Variants in RBM46 observed in about 807,000 individuals in gnomAD.
RBM46 encodes the protein RNA binding motif protein 46.
In RBM46, 12 loss-of-function variants were observed where a neutral mutation model predicts 43.3. The observed-to-expected ratio is 0.28, with a 90% CI of 0.18 to 0.45. RBM46 has a LOEUF of 0.45. RBM46 is among the 20% of genes least tolerant of loss of function. RBM46 has a pLI of 1.00. For synonymous variants in RBM46, 205 were observed against 207.6 expected, an observed-to-expected ratio of 0.99 and a Z score of 0.11; for missense variants, 412 against 639.1, an observed-to-expected ratio of 0.64 and a Z score of 3.83.
chr4:154,813,134 G>C (rs993138944), intron 4 of RBM46, among the ~76,000 whole-genome samples: 2 of 151,950 alleles, frequency 1.3e-5, no homozygotes, highest in African/African-American at 4.8e-5. Flanking sequence ...AAAGTTAAAA[G>C]ATAAAGATTA....
chr4:154,787,195 T>A (rs1403236482), intron 1 of RBM46: 2 of 152,182 alleles, frequency 1.3e-5, no homozygotes, highest in East Asian at 3.9e-4. Context: ...GTCTTCTATC[T>A]GAGGACAAAT....
intron 4 of RBM46, among the ~76,000 whole-genome samples, chr4:154,808,025 C>T (rs1482838998): frequency 6.6e-6 from 1 of 151,844 alleles, no homozygotes; most frequent in Non-Finnish European, 1.5e-5. Flanking sequence ...AATCTTTGTA[C>T]TACACTAATA....
chr4:154,809,399 AATG>A (rs76869326), intron 4 of RBM46, among the ~76,000 whole-genome samples: 1,562 of 152,124 alleles, frequency 0.01, 9 homozygotes, highest in Non-Finnish European at 0.018. Context: ...ATTTTTCTGT[AATG>A]ATTTTTAATT....
At chr4:154,801,136 GC>G (rs1734617609) in intron 4 of RBM46, among the ~76,000 whole-genome samples, 2 of 151,954 alleles carry the variant, frequency 1.3e-5, no homozygotes. Context: ...CCACCACCGT[GC>G]CCGGCTAATT....
At chr4:154,819,942 T>C (rs1051261663) in intron 4 of RBM46, among the ~76,000 whole-genome samples, 1 of 152,052 alleles carries the variant, frequency 6.6e-6, no homozygotes, top group East Asian at 1.9e-4. Flanking sequence ...GGAAATGGTG[T>C]TTCATATGTA....
chr4:154,792,973 G>A (rs1734174473), intron 1 of RBM46, among the ~76,000 whole-genome samples: 2 of 152,182 alleles, frequency 1.3e-5, no homozygotes, highest in Non-Finnish European at 2.9e-5. Context: ...AAAGTGAGAA[G>A]TAAGGGTTAC....
At chr4:154,820,128 C>A (rs1005976220) in intron 4 of RBM46, among the ~76,000 whole-genome samples, 1 of 151,878 alleles carries the variant, frequency 6.6e-6, no homozygotes, top group Non-Finnish European at 1.5e-5. Flanking sequence ...AAATTTTTTT[C>A]TGATAATGTA....
chr4:154,798,737 A>G, intron 3 of RBM46, 45 bp from the exon 4 acceptor site: 1 of 1,326,620 alleles, frequency 7.5e-7, no homozygotes, highest in Non-Finnish European at 9.9e-7. Flanking sequence ...TTTACCTTTT[A>G]TTCTTTATTT....
rs150848902 is a variant in RBM46, at chr4:154,783,603, G to A, written c.-12+2167G>A. 3.4e-3 allele frequency among the ~76,000 whole-genome samples: 524 copies of A among 152,236 alleles called. 5 individuals carry two copies. The highest frequency in any genetic ancestry group is 0.015 in the South Asian group (70 of 4,820). ...TTATGAAGGACCTTGTGTAAGGAAT[G>A]GTGTACTTAATTTGGACAAGAATAT... On this transcript the variant is annotated intron_variant, in intron 1 of 4. Transcript: ENST00000281722.
At chr4:154,827,763 A>G in intron 4 of RBM46, 105 bp from the exon 5 acceptor site, 1 of 1,561,338 alleles carries the variant, frequency 6.4e-7, no homozygotes, top group South Asian at 1.2e-5. Flanking sequence ...TTCCAGTGTT[A>G]GAACATTATG....
intron 3 of RBM46, among the ~76,000 whole-genome samples, chr4:154,798,481 A>G (rs946866742): frequency 6.6e-6 from 1 of 152,238 alleles, no homozygotes; most frequent in African/African-American, 2.4e-5. Context: ...TGATATTTTT[A>G]CTGGATATAT....
intron 4 of RBM46, among the ~76,000 whole-genome samples, chr4:154,805,414 C>A (rs1425789025): frequency 6.6e-6 from 1 of 151,848 alleles, no homozygotes; most frequent in Non-Finnish European, 1.5e-5. Flanking sequence ...TTGTATATTG[C>A]TTCTTATATT....
rs1733448463 is a variant in RBM46 at position 154,781,345 on chromosome 4, C to G, written c.-103C>G. On this transcript the variant is annotated 5_prime_UTR_variant, in exon 1 of 5. Transcript: ENST00000281722. ...TACCCTCCCCCTGCGACGACCCCCC[C>G]TCGCTCTGACCGACTGGTCCCCTAA... is the stretch of plus-strand genomic sequence containing the variant. 6.6e-6 allele frequency: 1 copy of G among 152,398 alleles called. No homozygotes were observed. Among genetic ancestry groups the G allele is most frequent in the African/African-American group, 2.4e-5 (1 of 41,476 alleles). 9.4% of individuals were successfully genotyped at this position (152,398 alleles called of 1,614,324 possible).
intron 1 of RBM46, among the ~76,000 whole-genome samples, chr4:154,795,016 C>A (rs1354619750): frequency 6.6e-6 from 1 of 151,890 alleles, no homozygotes; most frequent in South Asian, 2.1e-4. Context: ...TATAGTTGGT[C>A]CTTAATAAAT....
intron 4 of RBM46, chr4:154,820,265 A>G (rs1446810599): frequency 3.0e-6 from 2 of 668,242 alleles, no homozygotes; most frequent in African/African-American, 3.8e-5. Flanking sequence ...ACTGATCAAA[A>G]GGTTTTTAAC....
At position 154,798,275 on chromosome 4, in the gene RBM46, C is replaced by A; in HGVS notation, c.616C>A (p.Pro206Thr). 6.4e-7 allele frequency: 1 copy of A among 1,560,788 alleles called. No homozygotes were observed. Among genetic ancestry groups the A allele is most frequent in the Non-Finnish European group, 8.6e-7 (1 of 1,156,832 alleles). Residue 206 changes from proline (P) to threonine (T), a missense_variant, in exon 3 of 5, where the codon CCA becomes ACA. This residue lies in a region of RBM46 where 54 missense variants were observed against 102.5 expected (regional missense o/e 0.53). Coordinates refer to ENST00000281722, the MANE Select transcript of RBM46 (RefSeq NM_144979.5). ...TGCTATGGCAAGGAGGAAACTAATTCCAGGTAAACTGAAAGGTTGTTTTTC... is the reference window on the plus strand; with the variant it reads ...TGCTATGGCAAGGAGGAAACTAATTACAGGTAAACTGAAAGGTTGTTTTTC... The part of the protein sequence containing the change: ...AAAMARRKLI[P>T]GTFQLWGHTI...
chr4:154,784,430 A>G (rs1382574772), intron 1 of RBM46, among the ~76,000 whole-genome samples: 2 of 152,236 alleles, frequency 1.3e-5, no homozygotes, highest in Non-Finnish European at 2.9e-5. Context: ...TTAAAATTAA[A>G]GGAGATATAG....
intron 1 of RBM46, among the ~76,000 whole-genome samples, chr4:154,795,973 C>CGTGGT (rs1734332620): frequency 6.6e-6 from 1 of 151,934 alleles, no homozygotes; most frequent in Non-Finnish European, 1.5e-5. Context: ...GCCTGGGCAA[C>CGTGGT]GTGGTGAAAC....
At chr4:154,818,220 A>G (rs1418317302) in intron 4 of RBM46, among the ~76,000 whole-genome samples, 2 of 152,090 alleles carry the variant, frequency 1.3e-5, no homozygotes, top group East Asian at 3.9e-4. Flanking sequence ...TTCCACTAGA[A>G]TTGTTTATTT....
Sources: allele counts gnomAD v4.1 joint callset (sites outside exome capture counted in the v4.1 genomes callset), GRCh38; gene constraint gnomAD v4.1.1; regional missense constraint gnomAD v4.1.1; transcripts MANE v1.5; gene names NCBI Gene and HGNC (gene_info 2026-07-23, HGNC 2026-07-21).